The following WDFY4 variants were observed in gnomAD, a reference collection of about 807,000 sequenced individuals.
WDFY4 encodes the protein WD repeat- and FYVE domain-containing protein 4.
A neutral mutation model predicts 351.9 loss-of-function variants in WDFY4; 169 were observed. The ratio of observed to expected loss-of-function variants is 0.48; its 90% CI spans 0.42 to 0.55. WDFY4 has a LOEUF of 0.55. WDFY4 is among the 20% of genes least tolerant of loss of function. WDFY4 has a pLI of 0.00. For synonymous variants in WDFY4, 1,622 were observed against 1,574.6 expected (o/e 1.03, Z -0.71); for missense variants, 3,803 against 3,935.6 (o/e 0.97, Z 0.90).
At chr10:48,760,939 C>A (rs569463410) in intron 13 of WDFY4, among the ~76,000 whole-genome samples, 2 of 152,072 alleles carry the variant, frequency 1.3e-5, no homozygotes, top group Non-Finnish European at 2.9e-5. Flanking sequence ...TGCAGACAGA[C>A]TAAATAAATG....
chr10:48,772,024 A>C (rs1292393519), intron 13 of WDFY4, among the ~76,000 whole-genome samples: 1 of 152,166 alleles, frequency 6.6e-6, no homozygotes, highest in Non-Finnish European at 1.5e-5. Flanking sequence ...TTACATGGCC[A>C]TTGATCTCCT....
At chr10:48,848,707 C>T (rs35085842) in intron 39 of WDFY4, among the ~76,000 whole-genome samples, 39 of 152,086 alleles carry the variant, frequency 2.6e-4, no homozygotes, top group African/African-American at 8.9e-4. Flanking sequence ...CTGATTTTGG[C>T]GGGCTGGTGG....
chr10:48,754,593 T>G (rs1190530474), intron 12 of WDFY4, among the ~76,000 whole-genome samples: 1 of 151,444 alleles, frequency 6.6e-6, no homozygotes, highest in Non-Finnish European at 1.5e-5. Flanking sequence ...TATTAATATG[T>G]TATATTATAC....
At chr10:48,947,077 TA>T in intron 51 of WDFY4, 108 bp downstream of exon 51, 1 of 954,942 alleles carries the variant, frequency 1.0e-6, no homozygotes, top group Non-Finnish European at 1.5e-6. Flanking sequence ...ATGCCTCTGC[TA>T]AAAACTCAGT....
chr10:48,760,527 T>A, intron 13 of WDFY4, 87 bp downstream of exon 13: 3 of 1,358,626 alleles, frequency 2.2e-6, no homozygotes, highest in Non-Finnish European at 3.1e-6. Flanking sequence ...TTTTTTCCTT[T>A]TGTCCGTGTC....
At chr10:48,840,425 T>TACAC (rs10637501) in intron 39 of WDFY4, among the ~76,000 whole-genome samples, 61,206 of 145,452 alleles carry the variant, frequency 0.42, 12,845 homozygotes, top group East Asian at 0.67. Context: ...CACATACACA[T>TACAC]ACACACACAC....
At chr10:48,917,318 T>C (rs1838642395) in intron 47 of WDFY4, among the ~76,000 whole-genome samples, 1 of 152,194 alleles carries the variant, frequency 6.6e-6, no homozygotes, top group Non-Finnish European at 1.5e-5. Flanking sequence ...AAAACAGTTG[T>C]GGTGCAGAAA....
rs2066495389 is a variant in WDFY4, at chr10:48,787,892, TCCTTC to T, written c.3809-637_3809-633del. Among the ~76,000 whole-genome samples the T allele has an allele frequency of 2.3e-3, 168 of 72,330 alleles. 12 individuals are homozygous for T. The highest frequency in any genetic ancestry group is 5.2e-3 in the East Asian group (9 of 1,730). 47.5% of individuals were successfully genotyped at this position (72,330 alleles called of 152,430 possible). ...CTTTCTTCTTTCTTTCTTCTTCTTCTCCTTCTTCTTCTTCTTCTTCTTCTTCTTCT... is the reference window on the plus strand; with the variant it reads ...CTTTCTTCTTTCTTTCTTCTTCTTCTTTCTTCTTCTTCTTCTTCTTCTTCT... On this transcript the variant is annotated intron_variant, in intron 20 of 61. Transcript: ENST00000325239.
intron 1 of WDFY4, among the ~76,000 whole-genome samples, chr10:48,708,652 A>C (rs1206881139): frequency 6.6e-6 from 1 of 152,162 alleles, no homozygotes; most frequent in African/African-American, 2.4e-5. Context: ...TTGGGAGGTC[A>C]CTTATTGGTG....
chr10:48,959,246 G>T (rs1564530066), intron 52 of WDFY4, among the ~76,000 whole-genome samples: 1 of 152,172 alleles, frequency 6.6e-6, no homozygotes, highest in Non-Finnish European at 1.5e-5. Context: ...AAAACGGAGA[G>T]AAAATGCATA....
intron 47 of WDFY4, among the ~76,000 whole-genome samples, chr10:48,904,050 G>A (rs570751202): frequency 1.9e-4 from 29 of 152,332 alleles, no homozygotes; most frequent in Non-Finnish European, 2.2e-4. Context: ...GTTGTTGGTA[G>A]GCCAAGTGGG....
At chr10:48,776,684 ATT>A in intron 15 of WDFY4, 64 bp from the exon 16 acceptor site, 1 of 1,267,194 alleles carries the variant, frequency 7.9e-7, no homozygotes, top group Non-Finnish European at 1.1e-6. Flanking sequence ...CTTTGGGGTT[ATT>A]GTCAGAAGCG....
At chr10:48,811,465 TTG>T in intron 29 of WDFY4, 72 bp from the exon 30 acceptor site, 1 of 1,378,496 alleles carries the variant, frequency 7.3e-7, no homozygotes, top group Non-Finnish European at 9.9e-7. Flanking sequence ...GGGTGTTCCT[TTG>T]TGTGTCCAGG....
At chr10:48,875,770 G>C (rs1266734477) in intron 42 of WDFY4, among the ~76,000 whole-genome samples, 1 of 152,220 alleles carries the variant, frequency 6.6e-6, no homozygotes, top group Non-Finnish European at 1.5e-5. Flanking sequence ...TAATGGATTT[G>C]TATTGAGCTT....
chr10:48,794,038 C>A (rs115281762), intron 23 of WDFY4, among the ~76,000 whole-genome samples: 5 of 152,114 alleles, frequency 3.3e-5, no homozygotes, highest in Non-Finnish European at 7.3e-5. Flanking sequence ...TTCCTCCACA[C>A]GGCTAGGAGG....
At chr10:48,864,316 A>G (rs1361074201) in intron 39 of WDFY4, among the ~76,000 whole-genome samples, 1 of 152,210 alleles carries the variant, frequency 6.6e-6, no homozygotes, top group Non-Finnish European at 1.5e-5. Flanking sequence ...TTAGTTTTCC[A>G]TCGCCATTTG....
At chr10:48,711,876 T>G (rs550634782) in intron 2 of WDFY4, among the ~76,000 whole-genome samples, 2 of 152,280 alleles carry the variant, frequency 1.3e-5, no homozygotes, top group African/African-American at 2.4e-5. Context: ...CTTGAAAATT[T>G]TGGTAGATCT....
chr10:48,694,464 C>G (rs752847933), intron 1 of WDFY4, among the ~76,000 whole-genome samples: 7 of 152,084 alleles, frequency 4.6e-5, no homozygotes, highest in Non-Finnish European at 5.9e-5. Context: ...TCCACCACCC[C>G]CTAGCCTCCT....
intron 47 of WDFY4, chr10:48,914,046 A>G: frequency 6.2e-7 from 1 of 1,614,198 alleles, no homozygotes. Flanking sequence ...GGTAATTCCC[A>G]TCTTGCTCAA....
Sources: allele counts gnomAD v4.1 joint callset (sites outside exome capture counted in the v4.1 genomes callset), GRCh38; gene constraint gnomAD v4.1.1; transcripts MANE v1.5; gene names NCBI Gene and HGNC (gene_info 2026-07-23, HGNC 2026-07-21).